MED12: variants seen among roughly 807,000 people sequenced by gnomAD.
The protein encoded by MED12 is mediator of RNA polymerase II transcription subunit 12.
A neutral mutation model predicts 177.7 loss-of-function variants in MED12; 10 were observed. That is an observed-to-expected ratio of 0.06 (90% CI 0.03 to 0.10). The LOEUF is 0.10. Among genes scored for constraint, MED12 ranks in the 10% least tolerant of loss-of-function variants. MED12 has a pLI of 1.00. For missense variants in MED12, 867 were observed against 1,780.8 expected (o/e 0.49, Z 9.23); for synonymous variants, 641 against 678.4 (o/e 0.94, Z 0.86).
Position 71,136,439 on chromosome X carries a change from A to G in MED12, c.5184A>G (p.Thr1728=). The part of the protein sequence containing the change: ...EEQQRLLLYH[T]HLRPRPRAYY... ...AGCAGCGGTTGCTGCTCTACCACAC[A>G]CACCTGAGGCCCCGGCCCCGCGCCT... The change falls in exon 37 of 45, where the codon ACA becomes ACG. Residue 1728 remains threonine (T), a synonymous_variant. Coordinates refer to ENST00000374080, the MANE Select transcript of MED12 (RefSeq NM_005120.3). The G allele has an allele frequency of 8.3e-7, 1 of 1,209,601 alleles. No individual in the cohort carries two copies. The highest frequency in any genetic ancestry group is 1.1e-6 in the Non-Finnish European group (1 of 894,866).
Position 71,131,537 on chromosome X carries a change from G to GC in MED12, c.4048-11dup, listed in dbSNP as rs1213691583. On this transcript the variant is annotated splice_polypyrimidine_tract_variant and intron_variant, in intron 28 of 44. Transcript: ENST00000374080. ...CGATGATGACTAGCCTGGGTGTGGGGCCTCTATCACAGAACTTGGACCAGT... is the reference window on the plus strand; with the variant it reads ...CGATGATGACTAGCCTGGGTGTGGGGCCCTCTATCACAGAACTTGGACCAGT... 3.0e-5 allele frequency: 36 copies of GC among 1,207,212 alleles called. No individual in the cohort carries two copies. Among genetic ancestry groups the GC allele is most frequent in the Non-Finnish European group, 3.9e-5 (35 of 893,475 alleles).
Position 71,132,177 on chromosome X carries a change from C to T in MED12, c.4224C>T (p.Pro1408=). 8.3e-7 allele frequency: 1 copy of T among 1,210,921 alleles called. No individual in the cohort carries two copies. The highest frequency in any genetic ancestry group is 1.1e-6 in the Non-Finnish European group (1 of 894,570). The change falls in exon 30 of 45, where the codon CCC becomes CCT. Residue 1408 remains proline, a synonymous_variant. Coordinates refer to ENST00000374080, the MANE Select transcript of MED12 (RefSeq NM_005120.3). ...SSSGSTASNM[P]SSSKTKPVLS... ...CTGGAAGTACTGCAAGCAACATGCC[C>T]AGCAGCAGCAAGACCAAGCCTGTGC...
At position 71,136,614 on chromosome X, in the gene MED12, A is replaced by T. The variant is rs2092333189; in HGVS notation, c.5359A>T (p.Thr1787Ser). ...TACTGAGGAACGCAAGAAGAAGTCC[A>T]CCAAGGGCAAGAAACGCAGCCAGCC... ...PSTEERKKKSTKGKKRSQPAT... is the reference protein window; with the variant it reads ...PSTEERKKKSSKGKKRSQPAT... Residue 1787 changes from threonine to serine, a missense_variant, in exon 37 of 45, where the codon ACC becomes TCC. Thr to Ser is a moderately conservative substitution (Grantham distance 58). Around this residue, in one of 14 missense-constraint regions of MED12, gnomAD observed 236 missense variants for 345.2 expected, o/e 0.68. Coordinates refer to ENST00000374080, the MANE Select transcript of MED12 (RefSeq NM_005120.3). 1 of 1,205,452 alleles carries T rather than the reference A, an allele frequency of 8.3e-7. No individual in the cohort carries two copies. The highest frequency in any genetic ancestry group is 2.2e-5 in the Admixed American group (1 of 45,393).
rs779515761 is a variant in MED12, at chrX:71,140,718, G to A, written c.6128G>A (p.Arg2043His). 2.5e-5 allele frequency: 30 copies of A among 1,206,755 alleles called. No homozygotes were observed. Among genetic ancestry groups the A allele is most frequent in the Middle Eastern group, 4.6e-4 (2 of 4,361 alleles). Reference protein sequence around the residue: ...MSAQGVQAGVRSTAILPEQQQ... With the variant: ...MSAQGVQAGVHSTAILPEQQQ... The stretch of plus-strand genomic sequence containing the variant: ...GCCCAGGGCGTCCAGGCAGGCGTCC[G>A]TTCAACAGCCATCCTACCTGAGCAG... Residue 2043 changes from arginine to histidine, a missense_variant, in exon 42 of 45, where the codon CGT becomes CAT. Arg to His is a conservative substitution (Grantham distance 29). Transcript: ENST00000374080.
Position 71,124,986 on chromosome X carries a change from C to G in MED12, c.2066C>G (p.Pro689Arg), listed in dbSNP as rs1375350759. ...TCACCTTTCTCTCAGTTGTTCTCCC[C>G]TACTATGCCCTGTGAGGGGAAGGGC... ...MEKPDFSLFS[P>R]TMPCEGKGSP... Residue 689 changes from proline (P) to arginine (R), a missense_variant, in exon 15 of 45, where the codon CCT becomes CGT. Coordinates refer to ENST00000374080, the MANE Select transcript of MED12 (RefSeq NM_005120.3). 1 of 1,210,982 alleles carries G rather than the reference C, an allele frequency of 8.3e-7. No individual in the cohort carries two copies.
chrX:71,123,113 G>A lies in MED12; in HGVS notation c.1504G>A (p.Ala502Thr), dbSNP rs370204234. Residue 502 changes from alanine to threonine, a missense_variant, in exon 11 of 45, where the codon GCT (alanine) becomes ACT (threonine). Ala to Thr is a moderately conservative substitution (Grantham distance 58). Transcript: ENST00000374080. ...DGHEISSDDD[A>T]VVSLLCEWAV... Reference sequence around the variant, plus strand: ...TCTCCAGATCTCCTCAGATGATGATGCTGTGGTGTCATTGCTATGTGAATG... The same window carrying A: ...TCTCCAGATCTCCTCAGATGATGATACTGTGGTGTCATTGCTATGTGAATG... 10 of 1,209,304 alleles carry A rather than the reference G, an allele frequency of 8.3e-6. No individual in the cohort carries two copies. Among genetic ancestry groups the A allele is most frequent in the African/African-American group, 1.8e-5 (1 of 57,035 alleles).
chrX:71,138,842 C>T (rs778695749), intron 41 of MED12, among the ~76,000 whole-genome samples: 9 of 111,391 alleles, frequency 8.1e-5, no homozygotes, highest in African/African-American at 2.6e-4. Context: ...AAGCCAGTAC[C>T]GGCTTTGAAT....
intron 28 of MED12, among the ~76,000 whole-genome samples, chrX:71,131,228 A>G (rs1378920332): frequency 3.8e-5 from 4 of 105,575 alleles, no homozygotes; most frequent in African/African-American, 1.4e-4. Flanking sequence ...TCCCAAGTTC[A>G]AACAATTCTC....
intron 20 of MED12, 30 bp from the exon 21 acceptor site, chrX:71,127,306 T>C (rs1464822298): frequency 1.7e-6 from 2 of 1,208,409 alleles, no homozygotes; most frequent in African/African-American, 3.5e-5. Context: ...TACCATCTGC[T>C]GACCCTCCCA....
At chrX:71,137,067 C>T (rs1304212066) in intron 38 of MED12, 38 bp downstream of exon 38, 15 of 1,183,642 alleles carry the variant, frequency 1.3e-5, no homozygotes, top group African/African-American at 1.8e-5. Context: ...AGGGACCTAC[C>T]TGTACACTCC....
intron 33 of MED12, 85 bp downstream of exon 33, chrX:71,133,297 G>A: frequency 3.0e-6 from 2 of 660,316 alleles, no homozygotes; most frequent in Non-Finnish European, 5.0e-6. Context: ...GAGAATGGGG[G>A]TAAGGATAGA....
chrX:71,125,625 C>A, intron 16 of MED12, 38 bp from the exon 17 acceptor site: 1 of 1,185,287 alleles, frequency 8.4e-7, no homozygotes. Flanking sequence ...GAGCTCTAGT[C>A]CTTTTGAAAC....
intron 43 of MED12, among the ~76,000 whole-genome samples, chrX:71,141,620 C>A (rs1384673009): frequency 8.9e-6 from 1 of 111,768 alleles, no homozygotes; most frequent in Non-Finnish European, 1.9e-5. Flanking sequence ...GAAACCCCGT[C>A]TCTACTAAAA....
At chrX:71,125,893 T>G in intron 17 of MED12, 143 bp from the exon 18 acceptor site, 1 of 584,498 alleles carries the variant, frequency 1.7e-6, no homozygotes, top group Non-Finnish European at 2.9e-6. Context: ...CTTCCCTGTT[T>G]CCCTCTTCCT....
chrX:71,132,091 G>A lies in MED12; in HGVS notation c.4138G>A (p.Glu1380Lys). The change falls in exon 30 of 45, where the codon GAG becomes AAG. Residue 1380 changes from glutamate to lysine, a missense_variant. Physicochemically the swap from Glu to Lys is moderately conservative, Grantham distance 56. Transcript: ENST00000374080. ...TPNNEMNSLLENIAKATIEVF... is the reference protein window; with the variant it reads ...TPNNEMNSLLKNIAKATIEVF... ...TCCCCAGGAGATGAACTCCCTCTTGGAGAACATCGCCAAGGCCACAATCGA... is the reference window on the plus strand; with the variant it reads ...TCCCCAGGAGATGAACTCCCTCTTGAAGAACATCGCCAAGGCCACAATCGA... 8.3e-7 allele frequency: 1 copy of A among 1,210,888 alleles called. No individual in the cohort carries two copies. The highest frequency in any genetic ancestry group is 1.8e-5 in the South Asian group (1 of 56,976).
At chrX:71,124,482 A>C (rs1232059218) in intron 13 of MED12, 94 bp downstream of exon 13, 5 of 673,543 alleles carry the variant, frequency 7.4e-6, no homozygotes, top group Non-Finnish European at 1.1e-5. Flanking sequence ...TGCCTGGGGG[A>C]GGGGGGTAGT....
chrX:71,142,345 T>C lies in MED12; in HGVS notation c.*127T>C. On this transcript the variant is annotated 3_prime_UTR_variant, in exon 45 of 45. Transcript: ENST00000374080. ...CCCTCAGGCTCCATTTTTAATAAGTTTTTAGTATTTTTGTTAATGTGAGGC... is the reference window on the plus strand; with the variant it reads ...CCCTCAGGCTCCATTTTTAATAAGTCTTTAGTATTTTTGTTAATGTGAGGC... The C allele has an allele frequency of 3.0e-6, 2 of 676,282 alleles. No individual in the cohort carries two copies. Among genetic ancestry groups the C allele is most frequent in the Non-Finnish European group, 4.6e-6 (2 of 436,105 alleles). The allele number at this position is 676,282 out of a possible 1,213,427, so 55.7% of individuals were successfully genotyped here.
At position 71,132,717 on chromosome X, in the gene MED12, G is replaced by T. The variant is rs1312847672; in HGVS notation, c.4416-128G>T. On this transcript the variant is annotated intron_variant, in intron 31 of 44. Coordinates refer to ENST00000374080, the MANE Select transcript of MED12 (RefSeq NM_005120.3). ...AGAGAGTAGTCTGGAGAATGAGGTT[G>T]GAAGTTGACTCCCAACCCACAGTCT... 3.6e-6 allele frequency: 3 copies of T among 835,749 alleles called. No homozygotes were observed. The East Asian group carries it at 1.0e-4, about 29-fold the overall frequency. The allele number at this position is 835,749 out of a possible 1,213,427, so 68.9% of individuals were successfully genotyped here. A position where few individuals can be genotyped will look rare whatever the true frequency, so the allele number is the denominator to read the frequency against.
chrX:71,129,511 C>A, intron 26 of MED12, 82 bp downstream of exon 26: 1 of 946,844 alleles, frequency 1.1e-6, no homozygotes, highest in Non-Finnish European at 1.5e-6. Flanking sequence ...GTCTTTCTCC[C>A]TTCTGAAGGT....
Sources: allele counts gnomAD v4.1 joint callset (sites outside exome capture counted in the v4.1 genomes callset), GRCh38; gene constraint gnomAD v4.1.1; regional missense constraint gnomAD v4.1.1; transcripts MANE v1.5; gene names NCBI Gene and HGNC (gene_info 2026-07-23, HGNC 2026-07-21).